Variants in MIR2052HG observed in about 807,000 individuals in gnomAD.
The protein encoded by MIR2052HG is MIR2052 host gene.
At chr8:74,654,877 G>A (rs1465588098) in intron 2 of MIR2052HG, among the ~76,000 whole-genome samples, 1 of 152,126 alleles carries the variant, frequency 6.6e-6, no homozygotes, top group Non-Finnish European at 1.5e-5. Context: ...GGAAAGTTTG[G>A]AACTTCCTAG....
intron 5 of MIR2052HG, among the ~76,000 whole-genome samples, chr8:74,752,852 A>C (rs1260716188): frequency 6.6e-6 from 1 of 152,214 alleles, no homozygotes; most frequent in African/African-American, 2.4e-5. Flanking sequence ...AAAAACTTTC[A>C]GTTAAAACTG....
intron 1 of MIR2052HG, among the ~76,000 whole-genome samples, chr8:74,611,976 G>C (rs1356475434): frequency 6.6e-6 from 1 of 152,184 alleles, no homozygotes; most frequent in Non-Finnish European, 1.5e-5. Flanking sequence ...ACCAAAGCCT[G>C]GGATTCAGGG....
intron 4 of MIR2052HG, among the ~76,000 whole-genome samples, chr8:74,710,386 T>C (rs1264166755): frequency 1.3e-5 from 2 of 152,178 alleles, no homozygotes; most frequent in African/African-American, 4.8e-5. Context: ...TTCAACTAAT[T>C]TCCCTTGTAT....
chr8:74,723,695 A>C (rs1375992206), intron 4 of MIR2052HG, among the ~76,000 whole-genome samples: 1 of 152,198 alleles, frequency 6.6e-6, no homozygotes, highest in Non-Finnish European at 1.5e-5. Flanking sequence ...AGTAAAAGGC[A>C]TATGCAGACA....
intron 2 of MIR2052HG, among the ~76,000 whole-genome samples, chr8:74,628,360 A>T (rs1172610149): frequency 6.6e-6 from 1 of 152,212 alleles, no homozygotes; most frequent in African/African-American, 2.4e-5. Context: ...AGGAAGAAAA[A>T]AATGTGATAA....
At chr8:74,600,152 G>A (rs558717175) in intron 1 of MIR2052HG, among the ~76,000 whole-genome samples, 101 of 152,246 alleles carry the variant, frequency 6.6e-4, no homozygotes, top group South Asian at 3.7e-3. Flanking sequence ...AGATGAACCT[G>A]GTACCTCAGT....
rs1329958624 is a variant in MIR2052HG, at chr8:74,701,074, A to G, written n.217-1305A>G. On this transcript the variant is annotated intron_variant and non_coding_transcript_variant, in intron 2 of 6. Coordinates refer to ENST00000523442, the Ensembl canonical transcript of MIR2052HG. ...TACCTTTACTTCTTTCAAACCTACT[A>G]CATGAGATAGTAAGACACAGTTGCT... 2.0e-5 allele frequency among the ~76,000 whole-genome samples: 3 copies of G among 152,130 alleles called. No individual in the cohort carries two copies. In the East Asian group the frequency reaches 5.8e-4, roughly 29 times the overall value.
chr8:74,714,869 A>G (rs921596509), intron 4 of MIR2052HG, among the ~76,000 whole-genome samples: 1 of 151,632 alleles, frequency 6.6e-6, no homozygotes, highest in Non-Finnish European at 1.5e-5. Flanking sequence ...ATGCCCAGCT[A>G]ATTTTCATAT....
exon 2 of MIR2052HG, chr8:74,612,896 G>A (rs1397378155): frequency 4.4e-6 from 2 of 456,094 alleles, no homozygotes; most frequent in African/African-American, 4.0e-5. Context: ...TGGCAGCTTT[G>A]GAGCAAGTGG....
chr8:74,656,899 A>G (rs907140712), intron 2 of MIR2052HG, among the ~76,000 whole-genome samples: 1 of 152,224 alleles, frequency 6.6e-6, no homozygotes, highest in African/African-American at 2.4e-5. Context: ...AGTCAGTACT[A>G]AACACCTGAT....
intron 4 of MIR2052HG, among the ~76,000 whole-genome samples, chr8:74,740,011 A>G (rs1011568975): frequency 2.0e-5 from 3 of 152,220 alleles, no homozygotes; most frequent in African/African-American, 7.2e-5. Context: ...TATAACTAAA[A>G]TAATTTAACA....
chr8:74,676,186 A>C (rs1809049108), intron 2 of MIR2052HG, among the ~76,000 whole-genome samples: 1 of 152,094 alleles, frequency 6.6e-6, no homozygotes, highest in South Asian at 2.1e-4. Context: ...GATTTTACTA[A>C]AGGAACATCT....
chr8:74,605,569 A>C (rs934271486), intron 1 of MIR2052HG, among the ~76,000 whole-genome samples: 1 of 152,214 alleles, frequency 6.6e-6, no homozygotes, highest in Non-Finnish European at 1.5e-5. Context: ...AATACTTGGA[A>C]AGAAGACACT....
chr8:74,603,740 A>G (rs113045613), intron 1 of MIR2052HG: 5 of 860,202 alleles, frequency 5.8e-6, no homozygotes, highest in African/African-American at 1.7e-5. Flanking sequence ...TTCGGGGGGG[A>G]CTCCAACATG....
chr8:74,605,091 T>G (rs2128730636), intron 1 of MIR2052HG, among the ~76,000 whole-genome samples: 1 of 152,302 alleles, frequency 6.6e-6, no homozygotes, highest in Middle Eastern at 3.4e-3. Context: ...CATGGGCCCT[T>G]GTTGCACCCT....
chr8:74,693,789 C>T (rs1032550124), intron 2 of MIR2052HG, among the ~76,000 whole-genome samples: 6 of 151,968 alleles, frequency 3.9e-5, no homozygotes, highest in African/African-American at 1.5e-4. Context: ...ACCTCCATCC[C>T]CTACAGCAGC....
At chr8:74,737,247 A>G (rs900297814) in intron 4 of MIR2052HG, among the ~76,000 whole-genome samples, 7 of 152,184 alleles carry the variant, frequency 4.6e-5, no homozygotes, top group African/African-American at 1.7e-4. Flanking sequence ...GCTGCTTTCT[A>G]CAACCAATCA....
chr8:74,694,748 G>C (rs1240086234), intron 2 of MIR2052HG, among the ~76,000 whole-genome samples: 2 of 152,102 alleles, frequency 1.3e-5, no homozygotes, highest in Admixed American at 6.6e-5. Flanking sequence ...GAATTTCAGA[G>C]CTTGAAGACA....
At chr8:74,606,756 A>G (rs142795498) in intron 1 of MIR2052HG, among the ~76,000 whole-genome samples, 1 of 152,204 alleles carries the variant, frequency 6.6e-6, no homozygotes, top group Admixed American at 6.5e-5. Context: ...CTGGGTGACA[A>G]TCTGTGCAAC....
Sources: allele counts gnomAD v4.1 joint callset (sites outside exome capture counted in the v4.1 genomes callset), GRCh38; gene constraint gnomAD v4.1.1; transcripts MANE v1.5; gene names NCBI Gene and HGNC (gene_info 2026-07-23, HGNC 2026-07-21).